RAB1A: variants seen among roughly 807,000 people sequenced by gnomAD.
RAB1A encodes ras-related protein Rab-1A.
Under a neutral mutation model 26.0 loss-of-function variants are expected in RAB1A, and 2 were observed. The observed-to-expected ratio is 0.08, with a 90% CI of 0.03 to 0.24. The LOEUF (loss-of-function observed/expected upper bound fraction) is 0.24. RAB1A is among the 10% of genes least tolerant of loss of function. RAB1A has a pLI of 1.00. For missense variants in RAB1A, 100 were observed against 247.0 expected (o/e 0.40, Z 3.99); for synonymous variants, 84 against 84.9 (o/e 0.99, Z 0.06).
intron 2 of RAB1A, among the ~76,000 whole-genome samples, chr2:65,103,161 A>T (rs1267727334): frequency 6.6e-6 from 1 of 151,868 alleles, no homozygotes; most frequent in African/African-American, 2.4e-5. Flanking sequence ...ACAAAAAAAT[A>T]CAAAAATCAG....
intron 1 of RAB1A, among the ~76,000 whole-genome samples, chr2:65,117,917 C>T (rs1669862748): frequency 6.6e-6 from 1 of 152,198 alleles, no homozygotes; most frequent in Non-Finnish European, 1.5e-5. Context: ...AAAGCAGAAA[C>T]AGCCTATTTG....
chr2:65,099,851 G>C (rs747506172), intron 2 of RAB1A, among the ~76,000 whole-genome samples: 2 of 152,206 alleles, frequency 1.3e-5, no homozygotes, highest in African/African-American at 4.8e-5. Flanking sequence ...TGCAGTTCTA[G>C]GTCTTCTAAT....
At position 65,104,773 on chromosome 2, in the gene RAB1A, G is replaced by T. The variant is rs769719833; in HGVS notation, c.57C>A (p.Asp19Glu). Residue 19 changes from aspartate to glutamate, a missense_variant, in exon 2 of 6, where the codon GAC becomes GAA. This residue lies in a region of RAB1A where 33 missense variants were observed against 124.2 expected (regional missense o/e 0.27). Coordinates refer to ENST00000409784, the MANE Select transcript of RAB1A (RefSeq NM_004161.5). Reference sequence around the variant, plus strand: ...GAAGGCAAGACTTTCCAACCCCTGAGTCGCCAATCAGAAGTAACTTGAATA... The same window carrying T: ...GAAGGCAAGACTTTCCAACCCCTGATTCGCCAATCAGAAGTAACTTGAATA... ...DYLFKLLLIG[D>E]SGVGKSCLLL... is the part of the protein sequence containing the mutation. The T allele has an allele frequency of 6.2e-7, 1 of 1,605,942 alleles. No individual in the cohort carries two copies. The highest frequency in any genetic ancestry group is 8.5e-7 in the Non-Finnish European group (1 of 1,175,248).
chr2:65,089,166 G>C (rs960346493), intron 4 of RAB1A, 96 bp from the exon 5 acceptor site: 2 of 1,175,502 alleles, frequency 1.7e-6, no homozygotes, highest in Non-Finnish European at 2.4e-6. Context: ...AAATAACAAA[G>C]AGCTAGTGAG....
intron 1 of RAB1A, among the ~76,000 whole-genome samples, chr2:65,115,923 AGGTG>A (rs1312634703): frequency 6.6e-6 from 1 of 152,156 alleles, no homozygotes; most frequent in Non-Finnish European, 1.5e-5. Flanking sequence ...TGGGAGGCCG[AGGTG>A]GGTGGATCAC....
At chr2:65,094,716 G>A (rs1013216580) in intron 3 of RAB1A, among the ~76,000 whole-genome samples, 1 of 152,190 alleles carries the variant, frequency 6.6e-6, no homozygotes, top group Non-Finnish European at 1.5e-5. Context: ...ATGAGCCCTT[G>A]AAGTTCAAGA....
chr2:65,091,489 C>T (rs115972146), intron 3 of RAB1A, among the ~76,000 whole-genome samples: 6 of 152,286 alleles, frequency 3.9e-5, no homozygotes, highest in Non-Finnish European at 8.8e-5. Context: ...ATTCAAATAA[C>T]TACCAGTCAA....
At chr2:65,091,402 A>G (rs1199961619) in intron 3 of RAB1A, among the ~76,000 whole-genome samples, 1 of 152,206 alleles carries the variant, frequency 6.6e-6, no homozygotes, top group Non-Finnish European at 1.5e-5. Context: ...AAAGCCCTTG[A>G]ACACAGAACT....
chr2:65,103,304 A>AAAAAAAAAAAAAAAACC, intron 2 of RAB1A, among the ~76,000 whole-genome samples: 1 of 112,502 alleles, frequency 8.9e-6, no homozygotes, highest in Non-Finnish European at 1.8e-5. Flanking sequence ...TGTCTCAAAA[A>AAAAAAAAAAAAAAAACC]AAAAAAAAAA....
chr2:65,088,358 C>T lies in RAB1A; in HGVS notation c.*135G>A, dbSNP rs150872549. ...AAAAAAAGTCAGTATTGACCATTTA[C>T]AATCTCTGACCTTTGTGGAGACGGT... is the stretch of plus-strand genomic sequence containing the variant. On this transcript the variant is annotated 3_prime_UTR_variant, in exon 6 of 6. Transcript: ENST00000409784. 1.6e-3 allele frequency: 1,155 copies of T among 713,840 alleles called. 1 individual carries two copies. The highest frequency in any genetic ancestry group is 2.1e-3 in the Non-Finnish European group (939 of 453,732). 44.2% of individuals were successfully genotyped at this position (713,840 alleles called of 1,614,324 possible).
chr2:65,098,833 C>CTTTT (rs1385281303), intron 2 of RAB1A, among the ~76,000 whole-genome samples: 507 of 39,440 alleles, frequency 0.013, 15 homozygotes, highest in Admixed American at 0.098. Flanking sequence ...TGTAACAGTA[C>CTTTT]TTCTTTTTTT....
intron 1 of RAB1A, among the ~76,000 whole-genome samples, chr2:65,109,671 T>C (rs1440538811): frequency 6.6e-6 from 1 of 150,436 alleles, no homozygotes; most frequent in South Asian, 2.1e-4. Flanking sequence ...GACTGCGCCA[T>C]TGCACTCCAG....
chr2:65,122,897 G>C lies in RAB1A; in HGVS notation c.23+6996C>G, dbSNP rs1452094369. ...GAGGCAGGAGAATGGTGTGAGCCCA[G>C]GAGGCAGAGCTTGCAGTGAGCCCAG... On this transcript the variant is annotated intron_variant, in intron 1 of 5. Transcript: ENST00000409784. 2.0e-5 allele frequency among the ~76,000 whole-genome samples: 3 copies of C among 149,388 alleles called. No homozygotes were observed. The East Asian group carries it at 6.1e-4, about 30-fold the overall frequency.
At chr2:65,115,624 G>A (rs548123647) in intron 1 of RAB1A, among the ~76,000 whole-genome samples, 2 of 152,226 alleles carry the variant, frequency 1.3e-5, no homozygotes, top group East Asian at 1.9e-4. Context: ...CAGCCTGTCA[G>A]TCAATATAAA....
chr2:65,094,094 T>C (rs550777600), intron 3 of RAB1A, among the ~76,000 whole-genome samples: 71 of 152,066 alleles, frequency 4.7e-4, no homozygotes, highest in Middle Eastern at 6.8e-3. Flanking sequence ...CTCAGCCTCC[T>C]GAGTACCTTG....
At chr2:65,100,917 G>A (rs1669409623) in intron 2 of RAB1A, among the ~76,000 whole-genome samples, 1 of 151,990 alleles carries the variant, frequency 6.6e-6, no homozygotes, top group Non-Finnish European at 1.5e-5. Context: ...GAGCAGAGGT[G>A]CACATATCAC....
At chr2:65,089,113 T>C (rs746886113) in intron 4 of RAB1A, 43 bp from the exon 5 acceptor site, 10 of 1,536,332 alleles carry the variant, frequency 6.5e-6, no homozygotes, top group South Asian at 5.8e-5. Flanking sequence ...TTCGATAATA[T>C]AGTTCTGGAA....
chr2:65,118,433 C>T (rs1669873453), intron 1 of RAB1A, among the ~76,000 whole-genome samples: 1 of 152,110 alleles, frequency 6.6e-6, no homozygotes, highest in Admixed American at 6.6e-5. Flanking sequence ...AAACTCAACT[C>T]TTAATATACT....
intron 3 of RAB1A, among the ~76,000 whole-genome samples, chr2:65,096,010 G>C (rs922380656): frequency 3.3e-5 from 5 of 151,728 alleles, no homozygotes; most frequent in African/African-American, 1.2e-4. Flanking sequence ...AAAATTAGCA[G>C]GGTGTGGTGG....
Sources: allele counts gnomAD v4.1 joint callset (sites outside exome capture counted in the v4.1 genomes callset), GRCh38; gene constraint gnomAD v4.1.1; regional missense constraint gnomAD v4.1.1; transcripts MANE v1.5; gene names NCBI Gene and HGNC (gene_info 2026-07-23, HGNC 2026-07-21).